Variants in ZNF407 observed in about 807,000 individuals in gnomAD.
ZNF407 encodes the protein zinc finger protein 407.
A neutral mutation model predicts 131.2 loss-of-function variants in ZNF407; 17 were observed. The observed-to-expected ratio is 0.13, with a 90% CI of 0.09 to 0.19. The LOEUF (loss-of-function observed/expected upper bound fraction) is 0.19. Among genes scored for constraint, ZNF407 ranks in the 10% least tolerant of loss-of-function variants. The pLI, the probability that ZNF407 is intolerant of heterozygous loss-of-function variation, is 1.00. For synonymous variants in ZNF407, 1,156 were observed against 1,062.0 expected, an observed-to-expected ratio of 1.09 and a Z score of -1.72; for missense variants, 2,681 against 2,830.6, an observed-to-expected ratio of 0.95 and a Z score of 1.20.
chr18:74,886,806 A>T (rs1282616897), intron 6 of ZNF407, among the ~76,000 whole-genome samples: 1 of 152,200 alleles, frequency 6.6e-6, no homozygotes, highest in Non-Finnish European at 1.5e-5. Context: ...CATTGTCTTG[A>T]TGGTGGCAGA....
At chr18:74,869,604 T>C (rs2145170509) in intron 4 of ZNF407, among the ~76,000 whole-genome samples, 1 of 152,304 alleles carries the variant, frequency 6.6e-6, no homozygotes, top group South Asian at 2.1e-4. Flanking sequence ...CAACATTCAG[T>C]GTGGGTTCTT....
At chr18:74,843,756 C>G (rs894996391) in intron 4 of ZNF407, among the ~76,000 whole-genome samples, 2 of 152,072 alleles carry the variant, frequency 1.3e-5, no homozygotes, top group Middle Eastern at 3.2e-3. Flanking sequence ...TTGAATTTAT[C>G]AAGAGTACAC....
chr18:74,756,299 T>C (rs773734661), intron 3 of ZNF407, among the ~76,000 whole-genome samples: 1 of 152,176 alleles, frequency 6.6e-6, no homozygotes, highest in Non-Finnish European at 1.5e-5. Flanking sequence ...TTGGTTATTC[T>C]GAGTCTCTTG....
At position 74,632,644 on chromosome 18, in the gene ZNF407, A is replaced by G; in HGVS notation, c.1625A>G (p.Asp542Gly). ...DCGQVATNRTDLEIHVKRCHA... is the reference protein window; with the variant it reads ...DCGQVATNRTGLEIHVKRCHA... ...GGGCAAGTAGCTACAAATAGGACAG[A>G]TTTGGAAATCCATGTGAAAAGGTGC... Residue 542 changes from aspartate (D) to glycine (G), a missense_variant, in exon 2 of 9, where the codon GAT becomes GGT. Around this residue, in one of 6 missense-constraint regions of ZNF407, gnomAD observed 1,789 missense variants for 1,748.7 expected, o/e 1.02. Transcript: ENST00000299687. The G allele has an allele frequency of 1.9e-6, 3 of 1,614,042 alleles. No individual in the cohort carries two copies. The highest frequency in any genetic ancestry group is 2.5e-6 in the Non-Finnish European group (3 of 1,179,892).
At chr18:74,759,449 G>A (rs1969041726) in intron 3 of ZNF407, among the ~76,000 whole-genome samples, 4 of 151,932 alleles carry the variant, frequency 2.6e-5, no homozygotes, top group Admixed American at 2.0e-4. Context: ...TTCTTACTAT[G>A]TTTCTTATTA....
chr18:74,780,726 G>A (rs1969582449), intron 3 of ZNF407, among the ~76,000 whole-genome samples: 1 of 152,100 alleles, frequency 6.6e-6, no homozygotes, highest in Non-Finnish European at 1.5e-5. Flanking sequence ...ATAATCGCAT[G>A]ACGTAAATAA....
Position 74,703,474 on chromosome 18 carries a change from C to T in ZNF407, c.4802+62352C>T, listed in dbSNP as rs1967548752. ...CTCCACCTTCTGGGTTCAAGCAGTT[C>T]TCCTGCCTCAGCCTCCAGAGTAGCT... is the stretch of plus-strand genomic sequence containing the variant. On this transcript the variant is annotated intron_variant, in intron 3 of 8. Coordinates refer to ENST00000299687, the MANE Select transcript of ZNF407 (RefSeq NM_017757.3). The surrounding 1 kb of genome is among the most constrained non-coding windows in gnomAD (Gnocchi z 4.1). 3.3e-5 allele frequency among the ~76,000 whole-genome samples: 5 copies of T among 152,190 alleles called. No individual in the cohort carries two copies. Among genetic ancestry groups the T allele is most frequent in the Admixed American group, 3.3e-4 (5 of 15,282 alleles).
intron 8 of ZNF407, among the ~76,000 whole-genome samples, chr18:74,922,720 C>T (rs1457096785): frequency 6.6e-6 from 1 of 152,236 alleles, no homozygotes; most frequent in African/African-American, 2.4e-5. Flanking sequence ...TCAGTGGAGA[C>T]CCTGATTCAA....
chr18:74,616,925 CAT>C (rs1983321451), intron 1 of ZNF407, among the ~76,000 whole-genome samples: 1 of 17,418 alleles, frequency 5.7e-5, no homozygotes, highest in Non-Finnish European at 1.4e-4. Context: ...ATCCACGCAC[CAT>C]ACACATCCAT....
intron 8 of ZNF407, among the ~76,000 whole-genome samples, chr18:74,924,456 G>A (rs1433841066): frequency 6.6e-6 from 1 of 152,066 alleles, no homozygotes; most frequent in Admixed American, 6.5e-5. Flanking sequence ...TTAAAGATAG[G>A]TTTCTGTCAT....
At chr18:74,781,582 G>C in intron 4 of ZNF407, 80 bp downstream of exon 4, 1 of 1,105,808 alleles carries the variant, frequency 9.0e-7, no homozygotes, top group Non-Finnish European at 1.3e-6. Flanking sequence ...ATGACTTCTA[G>C]ACTTTTTTTT....
chr18:74,864,622 A>G (rs745585890), intron 4 of ZNF407, among the ~76,000 whole-genome samples: 11 of 152,208 alleles, frequency 7.2e-5, no homozygotes, highest in Non-Finnish European at 1.3e-4. Context: ...GACCTTACTG[A>G]TAGGCACTGT....
chr18:74,785,913 T>C (rs1040811493), intron 4 of ZNF407, among the ~76,000 whole-genome samples: 1 of 151,942 alleles, frequency 6.6e-6, no homozygotes, highest in Non-Finnish European at 1.5e-5. Context: ...GACACACATG[T>C]CACATGGCAC....
intron 3 of ZNF407, among the ~76,000 whole-genome samples, chr18:74,724,724 T>G (rs1460092111): frequency 4.6e-5 from 7 of 152,242 alleles, no homozygotes. Flanking sequence ...GATGACAGTT[T>G]ATGACCATTT....
chr18:74,824,152 C>T (rs1359879945), intron 4 of ZNF407, among the ~76,000 whole-genome samples: 1 of 152,134 alleles, frequency 6.6e-6, no homozygotes, highest in South Asian at 2.1e-4. Context: ...TAAAGATGTT[C>T]TTTGAAACCA....
At chr18:74,873,209 G>C (rs1367687711) in intron 4 of ZNF407, among the ~76,000 whole-genome samples, 3 of 152,128 alleles carry the variant, frequency 2.0e-5, no homozygotes, top group Non-Finnish European at 4.4e-5. Flanking sequence ...CTTTATTCAT[G>C]ACATCTAGCA....
chr18:74,771,177 A>T (rs1307772140), intron 3 of ZNF407, among the ~76,000 whole-genome samples: 1 of 152,172 alleles, frequency 6.6e-6, no homozygotes, highest in African/African-American at 2.4e-5. Flanking sequence ...ATTGTGTCAG[A>T]ATATATTTGA....
At chr18:74,904,468 T>C (rs1971569063) in intron 7 of ZNF407, among the ~76,000 whole-genome samples, 1 of 152,188 alleles carries the variant, frequency 6.6e-6, no homozygotes, top group Admixed American at 6.5e-5. Flanking sequence ...CTCCTTCCTG[T>C]GATGTGGGTG....
At chr18:74,668,173 G>C (rs560489904) in intron 3 of ZNF407, among the ~76,000 whole-genome samples, 11 of 152,220 alleles carry the variant, frequency 7.2e-5, no homozygotes, top group Admixed American at 2.0e-4. Flanking sequence ...TCGCTGGACT[G>C]GTTGCAGTCC....
Sources: allele counts gnomAD v4.1 joint callset (sites outside exome capture counted in the v4.1 genomes callset), GRCh38; gene constraint gnomAD v4.1.1; regional missense constraint gnomAD v4.1.1; non-coding constraint Gnocchi (gnomAD v3.1); transcripts MANE v1.5; gene names NCBI Gene and HGNC (gene_info 2026-07-23, HGNC 2026-07-21).